DCDC1: variants seen among roughly 807,000 people sequenced by gnomAD.
DCDC1 encodes the protein doublecortin domain-containing protein 1.
In DCDC1, 200 loss-of-function variants were observed where a neutral mutation model predicts 178.3. That is an observed-to-expected ratio of 1.12 (90% CI 1.00 to 1.26). DCDC1 has a LOEUF of 1.26. Ranked by LOEUF, DCDC1 falls within the 50% of genes most tolerant of loss-of-function variation. DCDC1 has a pLI of 0.00. For missense variants in DCDC1, 1,983 were observed against 1,749.2 expected, an observed-to-expected ratio of 1.13 and a Z score of -2.38; for synonymous variants, 690 against 604.8, an observed-to-expected ratio of 1.14 and a Z score of -2.07.
At chr11:30,874,370 G>A (rs1941925173) in intron 38 of DCDC1, among the ~76,000 whole-genome samples, 1 of 152,168 alleles carries the variant, frequency 6.6e-6, no homozygotes, top group Non-Finnish European at 1.5e-5. Flanking sequence ...TCAAATTTGA[G>A]AATCATATTA....
At chr11:30,948,397 A>C in intron 21 of DCDC1, among the ~76,000 whole-genome samples, 1 of 152,198 alleles carries the variant, frequency 6.6e-6, no homozygotes, top group East Asian at 1.9e-4. Flanking sequence ...CATAGATAGA[A>C]AGAATCAAAA....
chr11:31,287,579 C>T (rs1253821034), intron 7 of DCDC1, among the ~76,000 whole-genome samples: 1 of 151,930 alleles, frequency 6.6e-6, no homozygotes, highest in Admixed American at 6.6e-5. Context: ...TCCTTTGTGT[C>T]ACCTACAAAG....
At chr11:31,024,281 A>T (rs1953079797) in intron 20 of DCDC1, among the ~76,000 whole-genome samples, 1 of 151,994 alleles carries the variant, frequency 6.6e-6, no homozygotes, top group Admixed American at 6.6e-5. Context: ...ACTAGGTAAA[A>T]ATATGTATGC....
In DCDC1 at chr11:31,248,837, A is replaced by T. The variant is rs12273251; in HGVS notation, c.1055-7221T>A. ...CTACGATTTCTTCTCTCTTCTAAAA[A>T]CTCTTAGGAGAAAGATAATCTCTGC... On this transcript the variant is annotated intron_variant, in intron 8 of 38. Coordinates refer to ENST00000684477, the MANE Select transcript of DCDC1 (RefSeq NM_001387274.1). Among the ~76,000 whole-genome samples the T allele has an allele frequency of 2.4e-3, 367 of 152,026 alleles. 1 individual carries two copies. Among genetic ancestry groups the T allele is most frequent in the African/African-American group, 8.3e-3 (345 of 41,486 alleles).
intron 6 of DCDC1, among the ~76,000 whole-genome samples, chr11:31,296,744 T>C (rs1947710389): frequency 6.6e-6 from 1 of 151,954 alleles, no homozygotes; most frequent in African/African-American, 2.4e-5. Context: ...AGCAAACACA[T>C]CCTCTTCACA....
intron 9 of DCDC1, among the ~76,000 whole-genome samples, chr11:31,240,627 T>C (rs1032137989): frequency 2.6e-5 from 4 of 152,040 alleles, no homozygotes; most frequent in Non-Finnish European, 5.9e-5. Context: ...TGGTCTCGGA[T>C]AATGAGCCCA....
rs375722283 is a variant in DCDC1 at position 31,124,198 on chromosome 11, A to G, written c.1485+3271T>C. On this transcript the variant is annotated intron_variant, in intron 11 of 38. Coordinates refer to ENST00000684477, the MANE Select transcript of DCDC1 (RefSeq NM_001387274.1). ...TATTATTTTGAGGTACATTCCTTCAATAGCCAGTTTATTGAGAGTTTTTAA... is the reference window on the plus strand; with the variant it reads ...TATTATTTTGAGGTACATTCCTTCAGTAGCCAGTTTATTGAGAGTTTTTAA... Among the ~76,000 whole-genome samples, 7 of 152,198 alleles carry G rather than the reference A, an allele frequency of 4.6e-5. No individual in the cohort carries two copies. In the East Asian group the frequency reaches 5.8e-4, roughly 13 times the overall value.
intron 7 of DCDC1, among the ~76,000 whole-genome samples, chr11:31,273,199 T>C (rs1258572594): frequency 6.6e-6 from 1 of 152,384 alleles, no homozygotes; most frequent in East Asian, 1.9e-4. Context: ...TCATTATTTA[T>C]ACAAATTTCT....
chr11:30,939,196 T>A (rs1947478320), intron 21 of DCDC1, among the ~76,000 whole-genome samples: 1 of 152,174 alleles, frequency 6.6e-6, no homozygotes, highest in African/African-American at 2.4e-5. Flanking sequence ...TTTCTCCCTG[T>A]TACCTCCACT....
chr11:30,879,315 C>A (rs1483236889), intron 37 of DCDC1, among the ~76,000 whole-genome samples: 1 of 152,006 alleles, frequency 6.6e-6, no homozygotes, highest in Non-Finnish European at 1.5e-5. Flanking sequence ...AGTAAATGTC[C>A]CTTAATGGGT....
At chr11:31,095,193 G>A (rs2135694348) in intron 15 of DCDC1, among the ~76,000 whole-genome samples, 1 of 152,206 alleles carries the variant, frequency 6.6e-6, no homozygotes, top group Non-Finnish European at 1.5e-5. Flanking sequence ...ATCATTGATG[G>A]GCATTTGGGT....
intron 8 of DCDC1, among the ~76,000 whole-genome samples, chr11:31,260,356 G>T (rs995911077): frequency 6.6e-6 from 1 of 152,006 alleles, no homozygotes; most frequent in African/African-American, 2.4e-5. Context: ...TTGATAATGG[G>T]CAAGAGCTAA....
At chr11:31,355,734 A>C (rs1951310050) in intron 1 of DCDC1, among the ~76,000 whole-genome samples, 1 of 151,696 alleles carries the variant, frequency 6.6e-6, no homozygotes, top group African/African-American at 2.4e-5. Flanking sequence ...CGCCCGGCTA[A>C]TTTTTTGTAT....
chr11:31,235,613 A>C lies in DCDC1; in HGVS notation c.1221+5837T>G, dbSNP rs938326378. On this transcript the variant is annotated intron_variant, in intron 9 of 38. Coordinates refer to ENST00000684477, the MANE Select transcript of DCDC1 (RefSeq NM_001387274.1). ...AAACAATTTAAATAATTTTTAATTAATCAAGAAAAGTAAGGTGATAACTAA... is the reference window on the plus strand; with the variant it reads ...AAACAATTTAAATAATTTTTAATTACTCAAGAAAAGTAAGGTGATAACTAA... Among the ~76,000 whole-genome samples, 6 of 152,038 alleles carry C rather than the reference A, an allele frequency of 3.9e-5. No individual in the cohort carries two copies. In the East Asian group the frequency reaches 1.2e-3, roughly 29 times the overall value.
At chr11:30,976,058 T>C (rs1394580877) in intron 20 of DCDC1, among the ~76,000 whole-genome samples, 1 of 152,024 alleles carries the variant, frequency 6.6e-6, no homozygotes, top group African/African-American at 2.4e-5. Context: ...TAAATCCACA[T>C]ATTTACAGCC....
intron 9 of DCDC1, among the ~76,000 whole-genome samples, chr11:31,200,487 G>T (rs1241987314): frequency 1.3e-5 from 2 of 152,054 alleles, no homozygotes; most frequent in Admixed American, 6.5e-5. Flanking sequence ...AAATTTTTGA[G>T]TAAGGAAAAA....
At chr11:31,071,378 T>A (rs1165333069) in intron 18 of DCDC1, among the ~76,000 whole-genome samples, 6 of 152,284 alleles carry the variant, frequency 3.9e-5, no homozygotes, top group Admixed American at 2.0e-4. Flanking sequence ...ATTGATTAAT[T>A]TCTTGGGGTA....
chr11:31,288,195 T>C (rs1946975979), intron 7 of DCDC1, among the ~76,000 whole-genome samples: 1 of 151,950 alleles, frequency 6.6e-6, no homozygotes, highest in Non-Finnish European at 1.5e-5. Flanking sequence ...TGTGTATCCA[T>C]ATCAGCTATA....
chr11:31,138,328 TCTA>T (rs1963411035), intron 9 of DCDC1, among the ~76,000 whole-genome samples: 1 of 152,200 alleles, frequency 6.6e-6, no homozygotes, highest in Admixed American at 6.5e-5. Flanking sequence ...ATAAAGGTCT[TCTA>T]CTACTGCTGC....
Sources: gnomAD v4.1 joint callset for allele counts (sites outside exome capture counted in the v4.1 genomes callset) on GRCh38, gnomAD v4.1.1 for gene constraint, MANE v1.5 for transcripts, NCBI Gene and HGNC (gene_info 2026-07-23, HGNC 2026-07-21) for gene names.